ADAMTS19: variants seen among roughly 807,000 people sequenced by gnomAD.
ADAMTS19 encodes A disintegrin and metalloproteinase with thrombospondin motifs 19.
A neutral mutation model predicts 153.3 loss-of-function variants in ADAMTS19; 93 were observed. That is an observed-to-expected ratio of 0.61 (90% CI 0.51 to 0.72). ADAMTS19 has a LOEUF of 0.72. Among genes scored for constraint, ADAMTS19 ranks in the 30% least tolerant of loss-of-function variants. The probability of loss-of-function intolerance (pLI) is 0.00; values close to 1 mark genes in which losing one functional copy is unlikely to be tolerated. For synonymous variants in ADAMTS19, 600 were observed against 556.6 expected (o/e 1.08, Z -1.10); for missense variants, 1,482 against 1,552.1 (o/e 0.95, Z 0.76).
chr5:129,707,321 G>C (rs1054307404), intron 21 of ADAMTS19, among the ~76,000 whole-genome samples: 3 of 152,110 alleles, frequency 2.0e-5, no homozygotes, highest in Non-Finnish European at 4.4e-5. Flanking sequence ...TTGTTTCTTT[G>C]TTTGGTAACT....
At chr5:129,715,109 A>T (rs1253332601) in intron 21 of ADAMTS19, among the ~76,000 whole-genome samples, 2 of 152,196 alleles carry the variant, frequency 1.3e-5, no homozygotes, top group Non-Finnish European at 2.9e-5. Context: ...ACATATTAAA[A>T]TGTTTCTACA....
intron 8 of ADAMTS19, among the ~76,000 whole-genome samples, chr5:129,613,463 A>G (rs1039192726): frequency 1.3e-5 from 2 of 152,208 alleles, no homozygotes; most frequent in African/African-American, 4.8e-5. Context: ...TGAAGGCAGA[A>G]ATAAAGATGT....
intron 21 of ADAMTS19, among the ~76,000 whole-genome samples, chr5:129,715,983 G>A (rs544898148): frequency 1.3e-5 from 2 of 152,032 alleles, no homozygotes; most frequent in South Asian, 2.1e-4. Context: ...CAGCAGCTGC[G>A]GCAGATGGAA....
Position 129,679,825 on chromosome 5 carries a change from C to T in ADAMTS19, c.2568C>T (p.Ala856=). 1.2e-6 allele frequency: 2 copies of T among 1,613,858 alleles called. No homozygotes were observed. Among genetic ancestry groups the T allele is most frequent in the East Asian group, 2.2e-5 (1 of 44,856 alleles). ...NSDWKIEHSG[A]FNLAGTTVHY... Reference sequence around the variant, plus strand: ...ACTGGAAGATTGAACACTCTGGAGCCTTCAATTTGGCTGGAACTACCGTTC... The same window carrying T: ...ACTGGAAGATTGAACACTCTGGAGCTTTCAATTTGGCTGGAACTACCGTTC... Residue 856 remains alanine, a synonymous_variant, in exon 17 of 23, where the codon GCC becomes GCT. Coordinates refer to ENST00000274487, the MANE Select transcript of ADAMTS19 (RefSeq NM_133638.6).
intron 7 of ADAMTS19, among the ~76,000 whole-genome samples, chr5:129,579,733 A>G (rs1237516580): frequency 6.6e-6 from 1 of 152,156 alleles, no homozygotes; most frequent in Non-Finnish European, 1.5e-5. Flanking sequence ...TTTGTCAAAG[A>G]TGAAATGGCT....
At chr5:129,701,866 C>A (rs374248927) in intron 20 of ADAMTS19, among the ~76,000 whole-genome samples, 1 of 152,118 alleles carries the variant, frequency 6.6e-6, no homozygotes, top group East Asian at 1.9e-4. Flanking sequence ...TATGACTATA[C>A]TCTTGAGTTG....
intron 16 of ADAMTS19, among the ~76,000 whole-genome samples, chr5:129,674,460 C>T (rs2107329): frequency 0.046 from 7,013 of 152,172 alleles, 236 homozygotes; most frequent in Non-Finnish European, 0.067. Flanking sequence ...TCCATCTCTT[C>T]TTAATTCCTT....
chr5:129,475,618 G>C (rs143307550), intron 2 of ADAMTS19, among the ~76,000 whole-genome samples: 1 of 152,176 alleles, frequency 6.6e-6, no homozygotes, highest in East Asian at 1.9e-4. Context: ...AGATCACTTG[G>C]GGTCAGGAGT....
At chr5:129,618,939 G>A (rs1048395606) in intron 8 of ADAMTS19, among the ~76,000 whole-genome samples, 2 of 151,804 alleles carry the variant, frequency 1.3e-5, no homozygotes, top group African/African-American at 4.8e-5. Flanking sequence ...TTCAACATTG[G>A]TTACAGAGTC....
At chr5:129,656,257 T>C (rs1753543238) in intron 14 of ADAMTS19, among the ~76,000 whole-genome samples, 1 of 152,218 alleles carries the variant, frequency 6.6e-6, no homozygotes, top group African/African-American at 2.4e-5. Context: ...TGGCTTATAA[T>C]GGCATTAAAA....
intron 10 of ADAMTS19, among the ~76,000 whole-genome samples, chr5:129,626,404 C>T (rs988647359): frequency 6.6e-6 from 1 of 152,036 alleles, no homozygotes; most frequent in African/African-American, 2.4e-5. Flanking sequence ...AATAACCTAC[C>T]TGCACAGATT....
In ADAMTS19 at chr5:129,685,780, A is replaced by C. The variant is rs538301449; in HGVS notation, c.2818+1507A>C. 5.9e-5 allele frequency among the ~76,000 whole-genome samples: 9 copies of C among 152,304 alleles called. No homozygotes were observed. The South Asian group carries it at 1.0e-3, about 18-fold the overall frequency. Reference sequence around the variant, plus strand: ...GGTATATTATACAACATTGTTTGCCAATGTGCATTTTTAAGAATCAAACAA... The same window carrying C: ...GGTATATTATACAACATTGTTTGCCCATGTGCATTTTTAAGAATCAAACAA... On this transcript the variant is annotated intron_variant, in intron 18 of 22. Coordinates refer to ENST00000274487, the MANE Select transcript of ADAMTS19 (RefSeq NM_133638.6).
At chr5:129,573,222 C>G (rs1753975050) in intron 7 of ADAMTS19, among the ~76,000 whole-genome samples, 1 of 151,934 alleles carries the variant, frequency 6.6e-6, no homozygotes, top group African/African-American at 2.4e-5. Context: ...TTGCTTAGGA[C>G]CAATATTTTT....
In ADAMTS19 at chr5:129,654,411, T is replaced by C. The variant is rs1753451511; in HGVS notation, c.2282T>C (p.Ile761Thr). ...TCTTGTGGCTATCAGGGATTAGATATCTGTGCAAATGGCAGGTGCCAGGTA... is the reference window on the plus strand; with the variant it reads ...TCTTGTGGCTATCAGGGATTAGATACCTGTGCAAATGGCAGGTGCCAGGTA... ...GTSCGYQGLD[I>T]CANGRCQKVG... is the part of the protein sequence containing the mutation. The change falls in exon 14 of 23, where the codon ATC (isoleucine) becomes ACC (threonine). Residue 761 changes from isoleucine (I) to threonine (T), a missense_variant. Coordinates refer to ENST00000274487, the MANE Select transcript of ADAMTS19 (RefSeq NM_133638.6). 1.2e-6 allele frequency: 2 copies of C among 1,611,650 alleles called. No individual in the cohort carries two copies.
At chr5:129,529,071 C>G (rs779635605) in intron 6 of ADAMTS19, among the ~76,000 whole-genome samples, 3 of 151,964 alleles carry the variant, frequency 2.0e-5, no homozygotes, top group Admixed American at 6.6e-5. Context: ...AACTTTCTGG[C>G]TCCATGTGAG....
At chr5:129,641,733 C>A in intron 10 of ADAMTS19, 126 bp from the exon 11 acceptor site, 1 of 497,742 alleles carries the variant, frequency 2.0e-6, no homozygotes, top group Admixed American at 3.4e-5. Context: ...ATTTTAATTA[C>A]CTAAAGCATA....
intron 8 of ADAMTS19, among the ~76,000 whole-genome samples, chr5:129,610,584 T>C (rs962068897): frequency 3.3e-5 from 5 of 152,082 alleles, no homozygotes; most frequent in African/African-American, 1.2e-4. Flanking sequence ...ATGATGGTTT[T>C]CAGCTTCACC....
chr5:129,622,476 A>T, intron 10 of ADAMTS19, 128 bp downstream of exon 10: 1 of 1,095,898 alleles, frequency 9.1e-7, no homozygotes, highest in Non-Finnish European at 1.3e-6. Context: ...AGGATTTTCT[A>T]AGAAAAGGTT....
rs374043055 is a variant in ADAMTS19 at position 129,543,961 on chromosome 5, A to G, written c.1329-7903A>G. Among the ~76,000 whole-genome samples the G allele has an allele frequency of 1.8e-4, 27 of 152,290 alleles. No individual in the cohort carries two copies. The East Asian group carries it at 2.1e-3, about 12-fold the overall frequency. On this transcript the variant is annotated intron_variant, in intron 6 of 22. Transcript: ENST00000274487. ...ACATTAAGTTCATTTTGTGCCTTGT[A>G]TTGAAAAGATATTATTTAAGGTTAT...
Sources: allele counts gnomAD v4.1 joint callset (sites outside exome capture counted in the v4.1 genomes callset), GRCh38; gene constraint gnomAD v4.1.1; transcripts MANE v1.5; gene names NCBI Gene and HGNC (gene_info 2026-07-23, HGNC 2026-07-21).